The following TTC14 variants were observed in gnomAD, a reference collection of about 807,000 sequenced individuals.
The protein encoded by TTC14 is tetratricopeptide repeat domain 14, also known as tetratricopeptide repeat protein 14.
A neutral mutation model predicts 79.9 loss-of-function variants in TTC14; 63 were observed. That is an observed-to-expected ratio of 0.79 (90% confidence interval 0.64 to 0.97). The LOEUF (loss-of-function observed/expected upper bound fraction) is 0.97, where lower values mean the gene tolerates loss of function less well. Among genes scored for constraint, TTC14 ranks in the 50% least tolerant of loss-of-function variants. The probability of loss-of-function intolerance (pLI) is 0.00; values close to 1 mark genes in which losing one functional copy is unlikely to be tolerated. For synonymous variants in TTC14, 335 were observed against 309.6 expected, an observed-to-expected ratio of 1.08 and a Z score of -0.86; for missense variants, 895 against 894.0, an observed-to-expected ratio of 1.00 and a Z score of -0.01.
intron 6 of TTC14, 163 bp downstream of exon 6, chr3:180,605,170 C>A: frequency 1.7e-6 from 1 of 572,026 alleles, no homozygotes. Context: ...ACTGGACTGT[C>A]TTATCAGTGA....
At chr3:180,617,302 C>T (rs1056890788) in intron 12 of TTC14, 1 of 490,180 alleles carries the variant, frequency 2.0e-6, no homozygotes, top group Non-Finnish European at 3.6e-6. Flanking sequence ...ATGTACAGTG[C>T]ATAATACTTG....
chr3:180,606,375 A>G lies in TTC14; in HGVS notation c.1049+3A>G, dbSNP rs1158698991. ...GCTTTGGTAGCTCGTGGAGCATTGT[A>G]AGTGAATCATACATGGATTTTAAGG... On this transcript the variant is annotated splice_donor_region_variant and intron_variant, in intron 8 of 11. Transcript: ENST00000296015. 5.6e-6 allele frequency: 9 copies of G among 1,614,026 alleles called. No individual in the cohort carries two copies. Among genetic ancestry groups the G allele is most frequent in the Non-Finnish European group, 6.8e-6 (8 of 1,179,952 alleles).
intron 10 of TTC14, chr3:180,608,477 C>T (rs1160063765): frequency 2.8e-6 from 3 of 1,052,858 alleles, no homozygotes; most frequent in East Asian, 6.9e-5. Context: ...GGGATACCAA[C>T]TGCAATATGG....
chr3:180,607,007 C>G (rs771481175), intron 9 of TTC14, among the ~76,000 whole-genome samples: 12 of 152,032 alleles, frequency 7.9e-5, no homozygotes, highest in Non-Finnish European at 1.8e-4. Context: ...ATAGCAATAC[C>G]CTGTAGTTAC....
In TTC14 at chr3:180,609,820, A is replaced by G. The variant is rs1443695194; in HGVS notation, c.1591A>G (p.Asn531Asp). 4.3e-6 allele frequency: 7 copies of G among 1,613,728 alleles called. No individual in the cohort carries two copies. In the East Asian group the frequency reaches 1.6e-4, roughly 36 times the overall value. ...GGCATCCTCAAATCAGATAGATCAGAATAGGAAAGATGAGTGCTACCCAGT... is the reference window on the plus strand; with the variant it reads ...GGCATCCTCAAATCAGATAGATCAGGATAGGAAAGATGAGTGCTACCCAGT... Reference protein sequence around the residue: ...SRASSNQIDQNRKDECYPVPA... With the variant: ...SRASSNQIDQDRKDECYPVPA... The change falls in exon 12 of 12, where the codon AAT becomes GAT. Residue 531 changes from asparagine (N) to aspartate (D), a missense_variant. Physicochemically the swap from Asn to Asp is conservative, Grantham distance 23. Coordinates refer to ENST00000296015, the MANE Select transcript of TTC14 (RefSeq NM_133462.4).
At chr3:180,617,684 T>G in exon 13 of TTC14, 1 of 394,062 alleles carries the variant, frequency 2.5e-6, no homozygotes, top group Admixed American at 4.4e-5. Context: ...TTTTGTGCAG[T>G]TGAACAATGA....
intron 6 of TTC14, 91 bp from the exon 7 acceptor site, chr3:180,605,675 T>A (rs1342513843): frequency 1.2e-6 from 1 of 849,068 alleles, no homozygotes; most frequent in Non-Finnish European, 1.8e-6. Flanking sequence ...GATTCATACT[T>A]TCACTGTCGA....
chr3:180,615,179 A>T, downstream of TTC14: 1 of 820,156 alleles, frequency 1.2e-6, no homozygotes, highest in South Asian at 2.0e-5. Flanking sequence ...AAGTAAAGAC[A>T]TCAAAAAAGT....
At chr3:180,615,090 C>T, downstream of TTC14, 1 of 1,509,580 alleles carries the variant, frequency 6.6e-7, no homozygotes, top group East Asian at 2.5e-5. Context: ...AGAAGAAAAA[C>T]CAGAATTATA....
intron 10 of TTC14, chr3:180,608,304 C>T: frequency 1.0e-6 from 1 of 986,548 alleles, no homozygotes; most frequent in Non-Finnish European, 1.2e-6. Context: ...TCCTCCTTCA[C>T]TTCACCTTAA....
At chr3:180,606,650 A>G (rs1433184854) in intron 9 of TTC14, 47 bp downstream of exon 9, 1 of 1,554,938 alleles carries the variant, frequency 6.4e-7, no homozygotes, top group Non-Finnish European at 8.7e-7. Context: ...TGTTCAACCA[A>G]CCACTAAAAA....
At position 180,610,130 on chromosome 3, in the gene TTC14, G is replaced by C. The variant is rs150606427; in HGVS notation, c.1901G>C (p.Cys634Ser). 704 of 1,612,902 alleles carry C rather than the reference G, an allele frequency of 4.4e-4. No homozygotes were observed. The African/African-American group carries it at 8.8e-3, about 20-fold the overall frequency. ...SSRRNSSDSF[C>S]RNSEDKIYGY... ...AGAAGAAATTCCTCAGATTCCTTCT[G>C]TAGGAATTCAGAGGACAAGATTTAT... Residue 634 changes from cysteine (C) to serine (S), a missense_variant, in exon 12 of 12, where the codon TGT (cysteine) becomes TCT (serine). Physicochemically the swap from Cys to Ser is moderately radical, Grantham distance 112. Coordinates refer to ENST00000296015, the MANE Select transcript of TTC14 (RefSeq NM_133462.4).
chr3:180,615,723 T>A (rs1187412703), downstream of TTC14, among the ~76,000 whole-genome samples: 4 of 152,118 alleles, frequency 2.6e-5, 1 homozygote, highest in East Asian at 7.7e-4. Context: ...AGGATCATTA[T>A]TAATAAATTT....
chr3:180,605,123 C>A, intron 6 of TTC14, 116 bp downstream of exon 6: 1 of 996,684 alleles, frequency 1.0e-6, no homozygotes, highest in Non-Finnish European at 1.4e-6. Flanking sequence ...CAGGCATATG[C>A]CAAAGGTTGA....
Position 180,610,975 on chromosome 3 carries a change from G to A in TTC14, c.*433G>A. On this transcript the variant is annotated 3_prime_UTR_variant, in exon 12 of 12. Coordinates refer to ENST00000296015, the MANE Select transcript of TTC14 (RefSeq NM_133462.4). ...AATTAAAAATCGTCAGCTTTTGAAAGATTATATGTTCGAATGTTTCTTGAA... is the reference window on the plus strand; with the variant it reads ...AATTAAAAATCGTCAGCTTTTGAAAAATTATATGTTCGAATGTTTCTTGAA... 1 of 951,104 alleles carries A rather than the reference G, an allele frequency of 1.1e-6. No individual in the cohort carries two copies. Among genetic ancestry groups the A allele is most frequent in the Non-Finnish European group, 1.3e-6 (1 of 798,732 alleles). 58.9% of individuals were successfully genotyped at this position (951,104 alleles called of 1,614,324 possible).
intron 12 of TTC14, chr3:180,616,858 G>C (rs763856059): frequency 1.2e-6 from 2 of 1,608,064 alleles, no homozygotes; most frequent in Admixed American, 3.3e-5. Flanking sequence ...TTTGGCTTCT[G>C]CTCCTCCGTT....
intron 9 of TTC14, among the ~76,000 whole-genome samples, 181 bp downstream of exon 9, chr3:180,606,784 T>G (rs1178082998): frequency 1.3e-5 from 2 of 152,144 alleles, no homozygotes; most frequent in Non-Finnish European, 2.9e-5. Context: ...TACTCAAAAG[T>G]TTTTGGTTTA....
Position 180,602,911 on chromosome 3 carries a change from A to G in TTC14, c.182A>G (p.Asn61Ser). 2 of 1,611,880 alleles carry G rather than the reference A, an allele frequency of 1.2e-6. No individual in the cohort carries two copies. Among genetic ancestry groups the G allele is most frequent in the Non-Finnish European group, 1.7e-6 (2 of 1,179,468 alleles). Residue 61 changes from asparagine (N) to serine (S), a missense_variant, in exon 2 of 12, where the codon AAC (asparagine) becomes AGC (serine). Asn to Ser is a conservative substitution (Grantham distance 46, BLOSUM62 1). Coordinates refer to ENST00000296015, the MANE Select transcript of TTC14 (RefSeq NM_133462.4). ...TTAAGAAAAGAGAAGAGAGTTGACA[A>G]CATCGAGATACAGAAATTCATCTCC... ...LQGRKEKRVD[N>S]IEIQKFISKK...
intron 10 of TTC14, chr3:180,608,452 T>C: frequency 1.9e-6 from 2 of 1,037,114 alleles, no homozygotes; most frequent in Non-Finnish European, 2.3e-6. Context: ...CTGCAATGGC[T>C]TCCCCTTTTT....
Sources: allele counts gnomAD v4.1 joint callset (sites outside exome capture counted in the v4.1 genomes callset), GRCh38; gene constraint gnomAD v4.1.1; transcripts MANE v1.5; gene names NCBI Gene and HGNC (gene_info 2026-07-23, HGNC 2026-07-21).